The following TTC7B variants were observed in gnomAD, a reference collection of about 807,000 sequenced individuals.
The protein encoded by TTC7B is tetratricopeptide repeat protein 7B.
In TTC7B, 28 loss-of-function variants were observed where a neutral mutation model predicts 106.8. The observed-to-expected ratio is 0.26, with a 90% CI of 0.19 to 0.36. The LOEUF (loss-of-function observed/expected upper bound fraction) is 0.36, where lower values mean the gene tolerates loss of function less well. TTC7B is among the 10% of genes least tolerant of loss of function. TTC7B has a pLI of 1.00. For synonymous variants in TTC7B, 405 were observed against 430.6 expected, an observed-to-expected ratio of 0.94 and a Z score of 0.74; for missense variants, 862 against 1,076.4, an observed-to-expected ratio of 0.80 and a Z score of 2.79.
At chr14:90,779,292 ATTTTATT>A (rs1001467385) in intron 3 of TTC7B, among the ~76,000 whole-genome samples, 11 of 151,914 alleles carry the variant, frequency 7.2e-5, no homozygotes, top group African/African-American at 2.4e-4. Flanking sequence ...TGGGGTTGAG[ATTTTATT>A]TTTTATTTTT....
chr14:90,695,950 C>T lies in TTC7B; in HGVS notation c.699-372G>A, dbSNP rs147589337. Among the ~76,000 whole-genome samples the T allele has an allele frequency of 7.2e-4, 110 of 152,130 alleles. 1 individual carries two copies. Among genetic ancestry groups the T allele is most frequent in the African/African-American group, 2.6e-3 (109 of 41,474 alleles). ...GGAGACAACACTGGGCAACAGGGCA[C>T]AGGAATATGAGCAAGCACCGTGTGC... On this transcript the variant is annotated intron_variant, in intron 5 of 19. Coordinates refer to ENST00000328459, the MANE Select transcript of TTC7B (RefSeq NM_001010854.2).
intron 17 of TTC7B, among the ~76,000 whole-genome samples, chr14:90,605,069 T>C (rs1892582126): frequency 6.6e-6 from 1 of 151,976 alleles, no homozygotes; most frequent in African/African-American, 2.4e-5. Context: ...GCCTAATGAA[T>C]ATAAAGTTGG....
At position 90,526,807 on chromosome 14, in the gene TTC7B, T is replaced by C. The variant is rs180857707; in HGVS notation, c.*14561A>G. On this transcript the variant is annotated 3_prime_UTR_variant, in exon 20 of 20. Transcript: ENST00000328459. ...CCTCCCCTTCCTCCATGATTGTAAG[T>C]TTCCTGAGGCCTCTCCAGCCATGCT... The C allele has an allele frequency of 2.0e-4, 31 of 152,360 alleles. No homozygotes were observed. The highest frequency in any genetic ancestry group is 6.5e-4 in the African/African-American group (27 of 41,576). 9.4% of individuals were successfully genotyped at this position (152,360 alleles called of 1,614,324 possible).
rs962331011 is a variant in TTC7B at position 90,663,624 on chromosome 14, CAT to C, written c.1153-5239_1153-5238del. On this transcript the variant is annotated intron_variant, in intron 9 of 19. Transcript: ENST00000328459. This position sits in a 1 kb window ranked among gnomAD's most constrained non-coding sequence, Gnocchi z 4.5. ...CAAAGTTCTCAATCGACAAAGATTA[CAT>C]GAGTCCTGTGTTTCCTCTACAGGCA... 1.3e-5 allele frequency among the ~76,000 whole-genome samples: 2 copies of C among 152,336 alleles called. No homozygotes were observed. The highest frequency in any genetic ancestry group is 6.5e-5 in the Admixed American group (1 of 15,308).
At position 90,676,624 on chromosome 14, in the gene TTC7B, G is replaced by A. The variant is rs1886850923; in HGVS notation, c.1051C>T (p.His351Tyr). Reference sequence around the variant, plus strand: ...AGACTGATGAGGCGGTCACTCTTGTGTTCAGGTATCCTGCTCAGCACAGCG... The same window carrying A: ...AGACTGATGAGGCGGTCACTCTTGTATTCAGGTATCCTGCTCAGCACAGCG... ...RDAVLSRIPE[H>Y]KSDRLISLQS... Residue 351 changes from histidine to tyrosine, a missense_variant, in exon 9 of 20, where the codon CAC (histidine) becomes TAC (tyrosine). Physicochemically the swap from His to Tyr is moderately conservative, Grantham distance 83 (BLOSUM62 2). Coordinates refer to ENST00000328459, the MANE Select transcript of TTC7B (RefSeq NM_001010854.2). The A allele has an allele frequency of 6.2e-7, 1 of 1,614,002 alleles. No homozygotes were observed. The highest frequency in any genetic ancestry group is 1.7e-5 in the Admixed American group (1 of 60,006).
chr14:90,586,931 G>A (rs1891739942), intron 18 of TTC7B, among the ~76,000 whole-genome samples: 1 of 152,086 alleles, frequency 6.6e-6, no homozygotes, highest in South Asian at 2.1e-4. Context: ...GTTTCCTTCT[G>A]TATTCCTCCT....
At chr14:90,585,340 G>T (rs944491878) in intron 18 of TTC7B, among the ~76,000 whole-genome samples, 2 of 152,192 alleles carry the variant, frequency 1.3e-5, no homozygotes, top group African/African-American at 4.8e-5. Flanking sequence ...CCTGGCCTCA[G>T]CCCCGCTGTT....
intron 16 of TTC7B, among the ~76,000 whole-genome samples, chr14:90,614,263 C>T (rs1054285124): frequency 1.3e-5 from 2 of 152,168 alleles, no homozygotes; most frequent in African/African-American, 4.8e-5. Context: ...GACCTTGGCC[C>T]ATTTTATGGA....
In TTC7B at chr14:90,578,757, C is replaced by G. The variant is rs1381131100; in HGVS notation, c.2108-449G>C. ...GGCAACGGCTCTGCCCTCTGACCCACTCTCCTGATGCCAAGAAGTATGATG... is the reference window on the plus strand; with the variant it reads ...GGCAACGGCTCTGCCCTCTGACCCAGTCTCCTGATGCCAAGAAGTATGATG... On this transcript the variant is annotated intron_variant, in intron 18 of 19. Transcript: ENST00000328459. This position sits in a 1 kb window ranked among gnomAD's most constrained non-coding sequence, Gnocchi z 4.7. 6.6e-6 allele frequency among the ~76,000 whole-genome samples: 1 copy of G among 152,088 alleles called. No homozygotes were observed. The highest frequency in any genetic ancestry group is 1.5e-5 in the Non-Finnish European group (1 of 68,020).
chr14:90,695,309 A>G (rs1887697068), intron 6 of TTC7B, among the ~76,000 whole-genome samples, 191 bp downstream of exon 6: 2 of 136,108 alleles, frequency 1.5e-5, no homozygotes, highest in African/African-American at 5.3e-5. Context: ...AATATATGTC[A>G]CATATATTTA....
chr14:90,610,898 G>T (rs1480535915), intron 16 of TTC7B, 59 bp from the exon 17 acceptor site: 2 of 1,197,134 alleles, frequency 1.7e-6, no homozygotes. Context: ...GAAGGAAAGA[G>T]AGGCAACCAA....
intron 19 of TTC7B, among the ~76,000 whole-genome samples, chr14:90,553,954 G>A (rs1423504417): frequency 6.6e-6 from 1 of 152,182 alleles, no homozygotes; most frequent in Non-Finnish European, 1.5e-5. Context: ...AGCTTATTCT[G>A]CAATTAGCAG....
At chr14:90,710,243 G>A (rs1403683192) in intron 5 of TTC7B, among the ~76,000 whole-genome samples, 1 of 152,142 alleles carries the variant, frequency 6.6e-6, no homozygotes, top group Non-Finnish European at 1.5e-5. Flanking sequence ...TGCAGGCATG[G>A]TGATAATAGC....
At chr14:90,576,252 C>T (rs943612852) in intron 19 of TTC7B, among the ~76,000 whole-genome samples, 5 of 151,936 alleles carry the variant, frequency 3.3e-5, no homozygotes, top group East Asian at 1.9e-4. Flanking sequence ...GGGGATTGTA[C>T]GTCTTCTAGA....
At position 90,658,178 on chromosome 14, in the gene TTC7B, G is replaced by A. The variant is rs1176422430; in HGVS notation, c.1236+126C>T. 1.6e-5 allele frequency: 13 copies of A among 810,076 alleles called. No individual in the cohort carries two copies. The East Asian group carries it at 2.0e-4, about 13-fold the overall frequency. 50.2% of individuals were successfully genotyped at this position (810,076 alleles called of 1,614,324 possible). A position where few individuals can be genotyped will look rare whatever the true frequency, so the allele number is the denominator to read the frequency against. ...TGATTGTTCACTGAGAACGGACCACGATAGTTTCTCAGAGTGGCTCGAAAG... is the reference window on the plus strand; with the variant it reads ...TGATTGTTCACTGAGAACGGACCACAATAGTTTCTCAGAGTGGCTCGAAAG... On this transcript the variant is annotated intron_variant, in intron 10 of 19. Coordinates refer to ENST00000328459, the MANE Select transcript of TTC7B (RefSeq NM_001010854.2).
intron 8 of TTC7B, among the ~76,000 whole-genome samples, chr14:90,678,743 G>C (rs2139926485): frequency 6.6e-6 from 1 of 152,306 alleles, no homozygotes; most frequent in African/African-American, 2.4e-5. Context: ...TAAGAAGCAG[G>C]AGAGTTGGAG....
intron 19 of TTC7B, among the ~76,000 whole-genome samples, chr14:90,565,314 A>T (rs1890744714): frequency 1.3e-5 from 2 of 151,910 alleles, no homozygotes; most frequent in Admixed American, 1.3e-4. Flanking sequence ...TGTATTCGCA[A>T]CTTGGCTAAC....
intron 15 of TTC7B, among the ~76,000 whole-genome samples, chr14:90,636,117 T>C (rs1489913261): frequency 1.4e-5 from 2 of 147,136 alleles, no homozygotes; most frequent in Non-Finnish European, 3.0e-5. Context: ...TGAGACTCCA[T>C]CTCAAAAAAA....
chr14:90,682,616 C>T (rs768769), intron 7 of TTC7B, among the ~76,000 whole-genome samples: 8,860 of 152,140 alleles, frequency 0.058, 296 homozygotes, highest in South Asian at 0.12. Context: ...TTGGGGCCCA[C>T]GAGCCTCAGG....
Sources: gnomAD v4.1 joint callset for allele counts (sites outside exome capture counted in the v4.1 genomes callset) on GRCh38, gnomAD v4.1.1 for gene constraint, Gnocchi (gnomAD v3.1) non-coding constraint, MANE v1.5 for transcripts, NCBI Gene and HGNC (gene_info 2026-07-23, HGNC 2026-07-21) for gene names.